The following ERV3-1 variants were observed in gnomAD, a reference collection of about 807,000 sequenced individuals.
ERV3-1 encodes the protein endogenous retrovirus group 3 member 1 Env polyprotein.
In ERV3-1, 36 loss-of-function variants were observed where a neutral mutation model predicts 24.6. The ratio of observed to expected loss-of-function variants is 1.47; its 90% CI spans 1.12 to 1.94. The LOEUF is 1.94. Ranked by LOEUF, ERV3-1 falls within the 30% of genes most tolerant of loss-of-function variation. The pLI is 0.00. For synonymous variants in ERV3-1, 211 were observed against 122.6 expected (o/e 1.72, Z -4.76); for missense variants, 578 against 330.9 (o/e 1.75, Z -5.79).
chr7:64,991,341 C>G lies in ERV3-1; in HGVS notation c.1686G>C (p.Glu562Asp), dbSNP rs1443104416. ...TAAGGTTGAACTTTCCGCATACTCC[C>G]TCTTCCTGGGCTAGGAGGTAGTCTA... ...LALDYLLAQEEGVCGKFNLTN... is the reference protein window; with the variant it reads ...LALDYLLAQEDGVCGKFNLTN... Residue 562 changes from glutamate (E) to aspartate (D), a missense_variant, in exon 2 of 2, where the codon GAG (glutamate) becomes GAC (aspartate). Physicochemically the swap from Glu to Asp is conservative, Grantham distance 45. Coordinates refer to ENST00000394323, the MANE Select transcript of ERV3-1 (RefSeq NM_001007253.4). The G allele has an allele frequency of 9.9e-6, 7 of 705,274 alleles. No individual in the cohort carries two copies. Among genetic ancestry groups the G allele is most frequent in the Non-Finnish European group, 1.8e-5 (7 of 385,542 alleles). The allele number at this position is 705,274 out of a possible 1,614,324, so 43.7% of individuals were successfully genotyped here.
rs562250189 is a variant in ERV3-1, at chr7:65,004,962, C to T, written c.-389+1579G>A. The stretch of plus-strand genomic sequence containing the variant: ...GGTGGCAGTAATTATTTGTTTTTCC[C>T]TCATTACCACCATCTGATTGGCTGA... On this transcript the variant is annotated intron_variant, in intron 1 of 1. Transcript: ENST00000394323. 7.3e-5 allele frequency: 11 copies of T among 150,072 alleles called. No individual in the cohort carries two copies. The East Asian group carries it at 2.0e-3, about 27-fold the overall frequency. The allele number at this position is 150,072 out of a possible 1,614,324, so 9.3% of individuals were successfully genotyped here. A position where few individuals can be genotyped will look rare whatever the true frequency, so the allele number is the denominator to read the frequency against.
At chr7:64,999,399 T>G (rs1041627967) in intron 1 of ERV3-1, among the ~76,000 whole-genome samples, 5 of 152,208 alleles carry the variant, frequency 3.3e-5, no homozygotes, top group African/African-American at 1.2e-4. Context: ...AGGATTTTAT[T>G]TAGGTGACCA....
At chr7:64,993,770 C>A (rs1300921327) in intron 1 of ERV3-1, among the ~76,000 whole-genome samples, 1 of 152,162 alleles carries the variant, frequency 6.6e-6, no homozygotes, top group Non-Finnish European at 1.5e-5. Flanking sequence ...GGACTTGATC[C>A]CATCTCAGAG....
Position 64,992,359 on chromosome 7 carries a change from C to T in ERV3-1, c.668G>A (p.Arg223Gln), listed in dbSNP as rs748852349. Residue 223 changes from arginine to glutamine, a missense_variant, in exon 2 of 2, where the codon CGA becomes CAA. Arg to Gln is a conservative substitution (Grantham distance 43). Coordinates refer to ENST00000394323, the MANE Select transcript of ERV3-1 (RefSeq NM_001007253.4). Reference sequence around the variant, plus strand: ...TGGGCCAATTTCTTCACCGCTGACTCGTGCCCCTAGCGGTGCTTTTAAACC... The same window carrying T: ...TGGGCCAATTTCTTCACCGCTGACTTGTGCCCCTAGCGGTGCTTTTAAACC... ...TTGLKAPLGARVSGEEIGPGA... is the reference protein window; with the variant it reads ...TTGLKAPLGAQVSGEEIGPGA... The T allele has an allele frequency of 6.5e-6, 5 of 766,278 alleles. No homozygotes were observed. The highest frequency in any genetic ancestry group is 1.7e-5 in the Admixed American group (1 of 59,006). 47.5% of individuals were successfully genotyped at this position (766,278 alleles called of 1,614,324 possible).
Position 64,992,176 on chromosome 7 carries a change from G to A in ERV3-1, c.851C>T (p.Ala284Val), listed in dbSNP as rs200401218. 10 of 766,400 alleles carry A rather than the reference G, an allele frequency of 1.3e-5. No homozygotes were observed. Among genetic ancestry groups the A allele is most frequent in the Non-Finnish European group, 2.2e-5 (9 of 417,912 alleles). 47.5% of individuals were successfully genotyped at this position (766,400 alleles called of 1,614,324 possible). The change falls in exon 2 of 2, where the codon GCC (alanine) becomes GTC (valine). Residue 284 changes from alanine (A) to valine (V), a missense_variant. Ala to Val is a moderately conservative substitution (Grantham distance 64). Transcript: ENST00000394323. Reference sequence around the variant, plus strand: ...ACATGAAGCAACGTGCAGGCTGCTGGCTATGTTTTCAGCCAGTTGGGCGAA... The same window carrying A: ...ACATGAAGCAACGTGCAGGCTGCTGACTATGTTTTCAGCCAGTTGGGCGAA... Reference protein sequence around the residue: ...NLFAQLAENIASSLHVASCYV... With the variant: ...NLFAQLAENIVSSLHVASCYV...
chr7:64,996,949 G>A (rs1183117446), intron 1 of ERV3-1, among the ~76,000 whole-genome samples: 1 of 152,204 alleles, frequency 6.6e-6, no homozygotes, highest in Non-Finnish European at 1.5e-5. Flanking sequence ...TGATCAAGTA[G>A]GTATCTGACT....
At chr7:65,003,534 G>A (rs1032466739) in intron 1 of ERV3-1, 2 of 152,104 alleles carry the variant, frequency 1.3e-5, no homozygotes, top group Admixed American at 6.6e-5. Context: ...CTCAATATTA[G>A]CATTAGCTTG....
rs199931905 is a variant in ERV3-1, at chr7:64,992,552, C to T, written c.475G>A (p.Asp159Asn). The T allele has an allele frequency of 9.0e-5, 69 of 766,340 alleles. No individual in the cohort carries two copies. Among genetic ancestry groups the T allele is most frequent in the African/African-American group, 6.2e-4 (37 of 59,212 alleles). The allele number at this position is 766,340 out of a possible 1,614,324, so 47.5% of individuals were successfully genotyped here. The change falls in exon 2 of 2, where the codon GAT (aspartate) becomes AAT (asparagine). Residue 159 changes from aspartate (D) to asparagine (N), a missense_variant. By Grantham distance (23) the Asp-to-Asn change is conservative (BLOSUM62 1). Coordinates refer to ENST00000394323, the MANE Select transcript of ERV3-1 (RefSeq NM_001007253.4). ...TCCCAGCAAGTTGTTACTGGGGAATCGGTGGAACAAGCAGGGTGTGCATAC... is the reference window on the plus strand; with the variant it reads ...TCCCAGCAAGTTGTTACTGGGGAATTGGTGGAACAAGCAGGGTGTGCATAC... ...NRYAHPACST[D>N]SPVTTCWDCT...
intron 1 of ERV3-1, chr7:65,003,972 G>A (rs1241645502): frequency 6.6e-6 from 1 of 152,122 alleles, no homozygotes. Flanking sequence ...CAGCCAAAAT[G>A]GAAGAGAGAT....
intron 1 of ERV3-1, among the ~76,000 whole-genome samples, chr7:64,996,278 C>T (rs1421063200): frequency 4.6e-5 from 7 of 152,132 alleles, no homozygotes; most frequent in African/African-American, 1.7e-4. Flanking sequence ...CACAGAGCCA[C>T]TTTAAATGCT....
Position 64,992,485 on chromosome 7 carries a change from A to G in ERV3-1, c.542T>C (p.Ile181Thr). The G allele has an allele frequency of 1.3e-6, 1 of 766,356 alleles. No homozygotes were observed. Among genetic ancestry groups the G allele is most frequent in the Non-Finnish European group, 2.4e-6 (1 of 417,902 alleles). 47.5% of individuals were successfully genotyped at this position (766,356 alleles called of 1,614,324 possible). A position where few individuals can be genotyped will look rare whatever the true frequency, so the allele number is the denominator to read the frequency against. ...WSTNQQSLGP[I>T]MLTKIPLEPD... ...TTCTAATGGTATTTTGGTAAGCATA[A>G]TTGGCCCTAGTGATTGTTGGTTAGT... Residue 181 changes from isoleucine to threonine, a missense_variant, in exon 2 of 2, where the codon ATT becomes ACT. Coordinates refer to ENST00000394323, the MANE Select transcript of ERV3-1 (RefSeq NM_001007253.4).
Position 65,006,585 on chromosome 7 carries a change from T to G in ERV3-1, c.-433A>C. The G allele has an allele frequency of 6.4e-7, 1 of 1,574,316 alleles. No individual in the cohort carries two copies. On this transcript the variant is annotated 5_prime_UTR_variant, in exon 1 of 2. Coordinates refer to ENST00000394323, the MANE Select transcript of ERV3-1 (RefSeq NM_001007253.4). ...GGTCCTGGCGTCTTAGCTGTGGATC[T>G]CCCAATACCTGCAGGTAACGAGGCC...
chr7:64,999,584 A>C (rs1000100520), intron 1 of ERV3-1, among the ~76,000 whole-genome samples: 3 of 152,226 alleles, frequency 2.0e-5, no homozygotes, highest in Non-Finnish European at 2.9e-5. Context: ...AGGTTTTACA[A>C]CAGGATTTGC....
intron 1 of ERV3-1, among the ~76,000 whole-genome samples, chr7:64,997,147 A>G (rs925145887): frequency 2.6e-5 from 4 of 152,158 alleles, no homozygotes; most frequent in African/African-American, 7.2e-5. Context: ...GTCCATGGCT[A>G]TGTCCACACC....
intron 1 of ERV3-1, among the ~76,000 whole-genome samples, chr7:65,001,501 C>T (rs1786523747): frequency 6.6e-6 from 1 of 152,146 alleles, no homozygotes; most frequent in Non-Finnish European, 1.5e-5. Flanking sequence ...GTGAACACAT[C>T]AATGTCTAGT....
At chr7:64,996,489 TG>T (rs1445947081) in intron 1 of ERV3-1, among the ~76,000 whole-genome samples, 1 of 152,212 alleles carries the variant, frequency 6.6e-6, no homozygotes, top group Non-Finnish European at 1.5e-5. Flanking sequence ...CATTGGTGCC[TG>T]TACTTCATGT....
Position 64,991,680 on chromosome 7 carries a change from C to A in ERV3-1, c.1347G>T (p.Met449Ile). The A allele has an allele frequency of 1.4e-6, 1 of 729,524 alleles. No homozygotes were observed. Among genetic ancestry groups the A allele is most frequent in the East Asian group, 2.5e-5 (1 of 39,338 alleles). 45.2% of individuals were successfully genotyped at this position (729,524 alleles called of 1,614,324 possible). ...CTAAGGCTTCTCCCTGTTTTAGGGG[C>A]ATTAGGAAGAAGGACGGCCTAATTG... ...LGTIRPSFFL[M>I]PLKQGEALGY... Residue 449 changes from methionine to isoleucine, a missense_variant, in exon 2 of 2, where the codon ATG (methionine) becomes ATT (isoleucine). By Grantham distance (10) the Met-to-Ile change is conservative (BLOSUM62 1). Transcript: ENST00000394323.
At position 64,992,517 on chromosome 7, in the gene ERV3-1, C is replaced by T. The variant is rs200900773; in HGVS notation, c.510G>A (p.Thr170=). The T allele has an allele frequency of 5.9e-5, 45 of 766,304 alleles. No individual in the cohort carries two copies. Among genetic ancestry groups the T allele is most frequent in the Admixed American group, 4.9e-4 (29 of 59,034 alleles). The allele number at this position is 766,304 out of a possible 1,614,324, so 47.5% of individuals were successfully genotyped here. Residue 170 remains threonine (T), a synonymous_variant, in exon 2 of 2, where the codon ACG becomes ACA. Transcript: ENST00000394323. The part of the protein sequence containing the change: ...SPVTTCWDCT[T]WSTNQQSLGP... Reference sequence around the variant, plus strand: ...CTAGTGATTGTTGGTTAGTGGACCACGTTGTGCAGTCCCAGCAAGTTGTTA... The same window carrying T: ...CTAGTGATTGTTGGTTAGTGGACCATGTTGTGCAGTCCCAGCAAGTTGTTA...
chr7:64,991,645 A>T lies in ERV3-1; in HGVS notation c.1382T>A (p.Ile461Asn), dbSNP rs1317872323. The change falls in exon 2 of 2, where the codon ATC becomes AAC. Residue 461 changes from isoleucine to asparagine, a missense_variant. By Grantham distance (149) the Ile-to-Asn change is moderately radical. Coordinates refer to ENST00000394323, the MANE Select transcript of ERV3-1 (RefSeq NM_001007253.4). Reference protein sequence around the residue: ...LKQGEALGYPIYDETKRKSKR... With the variant: ...LKQGEALGYPNYDETKRKSKR... ...GCTTTTCCTTTTAGTTTCATCATAG[A>T]TGGGGTATCCTAAGGCTTCTCCCTG... 2 of 706,758 alleles carry T rather than the reference A, an allele frequency of 2.8e-6. No homozygotes were observed. Among genetic ancestry groups the T allele is most frequent in the African/African-American group, 3.5e-5 (2 of 57,380 alleles). The allele number at this position is 706,758 out of a possible 1,614,324, so 43.8% of individuals were successfully genotyped here.
Sources: gnomAD v4.1 joint callset for allele counts (sites outside exome capture counted in the v4.1 genomes callset) on GRCh38, gnomAD v4.1.1 for gene constraint, MANE v1.5 for transcripts, NCBI Gene and HGNC (gene_info 2026-07-23, HGNC 2026-07-21) for gene names.